Variants in GRIK1 observed in about 807,000 individuals in gnomAD.
GRIK1 encodes the protein glutamate ionotropic receptor kainate type subunit 1.
In GRIK1, 69 loss-of-function variants were observed where a neutral mutation model predicts 105.7. That is an observed-to-expected ratio of 0.65 (90% CI 0.54 to 0.80). The LOEUF is 0.80. Ranked by LOEUF, GRIK1 falls within the 30% of genes least tolerant of loss-of-function variation. The pLI is 0.00. For synonymous variants in GRIK1, 438 were observed against 431.3 expected (o/e 1.02, Z -0.19); for missense variants, 1,109 against 1,167.3 (o/e 0.95, Z 0.73).
intron 14 of GRIK1, among the ~76,000 whole-genome samples, chr21:29,566,670 A>G (rs1287048463): frequency 6.6e-6 from 1 of 150,794 alleles, no homozygotes; most frequent in African/African-American, 2.5e-5. Context: ...AGCAACCAAC[A>G]TATGCAGTGT....
Position 29,708,138 on chromosome 21 carries a change from C to G in GRIK1, c.119-14075G>C, listed in dbSNP as rs140038567. On this transcript the variant is annotated intron_variant, in intron 1 of 17. Transcript: ENST00000327783. Reference sequence around the variant, plus strand: ...CATGTAGAAATGCCCAACTGAATTGCAACCTCCCTCAGAATCTGTATGATT... The same window carrying G: ...CATGTAGAAATGCCCAACTGAATTGGAACCTCCCTCAGAATCTGTATGATT... Among the ~76,000 whole-genome samples, 1,103 of 152,292 alleles carry G rather than the reference C, an allele frequency of 7.2e-3. 16 individuals carry two copies. The highest frequency in any genetic ancestry group is 0.025 in the African/African-American group (1,058 of 41,548).
intron 1 of GRIK1, among the ~76,000 whole-genome samples, chr21:29,903,496 A>T (rs2070489068): frequency 6.6e-6 from 1 of 152,240 alleles, no homozygotes; most frequent in Admixed American, 6.5e-5. Flanking sequence ...AACTTCTCAA[A>T]AGAAGACATT....
chr21:29,938,699 C>A (rs950946888), intron 1 of GRIK1, among the ~76,000 whole-genome samples: 1 of 152,082 alleles, frequency 6.6e-6, no homozygotes, highest in Non-Finnish European at 1.5e-5. Flanking sequence ...GGCAAGCGGG[C>A]AAATTAGGGA....
chr21:29,547,293 A>C (rs2090065235), intron 16 of GRIK1, among the ~76,000 whole-genome samples: 1 of 152,228 alleles, frequency 6.6e-6, no homozygotes, highest in Non-Finnish European at 1.5e-5. Context: ...TCTGCCTTGA[A>C]GTACTGGCAG....
chr21:29,593,697 TTGATTAAG>T (rs2061363918), intron 9 of GRIK1, among the ~76,000 whole-genome samples: 1 of 152,212 alleles, frequency 6.6e-6, no homozygotes, highest in Admixed American at 6.5e-5. Flanking sequence ...TTTTAGCCAC[TTGATTAAG>T]TGATAGGATG....
chr21:29,841,873 A>G (rs1422145620), intron 1 of GRIK1, among the ~76,000 whole-genome samples: 1 of 152,116 alleles, frequency 6.6e-6, no homozygotes, highest in Non-Finnish European at 1.5e-5. Context: ...CTCATCTCAA[A>G]TGCCTACCTT....
At chr21:29,598,658 C>T (rs2061460197) in intron 8 of GRIK1, 172 bp downstream of exon 8, 2 of 515,126 alleles carry the variant, frequency 3.9e-6, no homozygotes, top group East Asian at 6.4e-5. Context: ...ATTTAAGAAT[C>T]TAGCACATCA....
chr21:29,581,904 C>A (rs758706529), intron 12 of GRIK1, among the ~76,000 whole-genome samples: 1 of 152,054 alleles, frequency 6.6e-6, no homozygotes, highest in Non-Finnish European at 1.5e-5. Context: ...CAAGTAGCGA[C>A]GAATGTGACA....
chr21:29,560,388 C>T (rs2409337), intron 15 of GRIK1, among the ~76,000 whole-genome samples: 1,254 of 43,402 alleles, frequency 0.029, 116 homozygotes, highest in Admixed American at 0.089. Flanking sequence ...TTCCTTCCTT[C>T]CTTCCTTCCT....
At chr21:29,673,812 GA>G (rs1196558236) in intron 3 of GRIK1, among the ~76,000 whole-genome samples, 1 of 151,970 alleles carries the variant, frequency 6.6e-6, no homozygotes, top group Non-Finnish European at 1.5e-5. Flanking sequence ...AGCAGAAACA[GA>G]ATTTAAAAAA....
At chr21:29,568,608 C>T (rs907365397) in intron 14 of GRIK1, among the ~76,000 whole-genome samples, 4 of 152,208 alleles carry the variant, frequency 2.6e-5, no homozygotes, top group African/African-American at 9.6e-5. Context: ...GTGTAATCCT[C>T]TGGCTTGAGT....
intron 1 of GRIK1, among the ~76,000 whole-genome samples, chr21:29,697,831 C>T (rs184545659): frequency 6.6e-5 from 10 of 152,160 alleles, no homozygotes; most frequent in South Asian, 6.2e-4. Context: ...TTTCCTCCTT[C>T]GGTCTTTCCT....
intron 6 of GRIK1, among the ~76,000 whole-genome samples, chr21:29,646,333 T>C (rs898569193): frequency 6.6e-6 from 1 of 152,194 alleles, no homozygotes; most frequent in Non-Finnish European, 1.5e-5. Context: ...CATAGATCAT[T>C]GCTGAGGATT....
At chr21:29,790,463 C>CT (rs111328335) in intron 1 of GRIK1, among the ~76,000 whole-genome samples, 3,678 of 145,666 alleles carry the variant, frequency 0.025, 141 homozygotes, top group African/African-American at 0.085. Context: ...TTCTTTCTTT[C>CT]TTTTTTTTTT....
At chr21:29,612,495 C>T (rs1454971238) in intron 7 of GRIK1, among the ~76,000 whole-genome samples, 1 of 152,180 alleles carries the variant, frequency 6.6e-6, no homozygotes, top group Non-Finnish European at 1.5e-5. Context: ...CAACTCTCCC[C>T]ACATTGAAAC....
At chr21:29,815,539 G>C (rs1038205239) in intron 1 of GRIK1, among the ~76,000 whole-genome samples, 1 of 152,112 alleles carries the variant, frequency 6.6e-6, no homozygotes, top group South Asian at 2.1e-4. Flanking sequence ...TCTGCCTGCA[G>C]CATCATTTTT....
At chr21:29,686,242 T>C (rs7281835) in intron 3 of GRIK1, among the ~76,000 whole-genome samples, 6,983 of 152,314 alleles carry the variant, frequency 0.046, 317 homozygotes, top group African/African-American at 0.12. Context: ...TCTTTTGTTA[T>C]AGGAATGTCA....
At chr21:29,923,850 T>C (rs2071268215) in intron 1 of GRIK1, among the ~76,000 whole-genome samples, 1 of 152,176 alleles carries the variant, frequency 6.6e-6, no homozygotes, top group African/African-American at 2.4e-5. Flanking sequence ...GAGGAGTATC[T>C]GAAAGGTTCA....
intron 1 of GRIK1, among the ~76,000 whole-genome samples, chr21:29,762,216 G>A (rs1230814213): frequency 1.3e-5 from 2 of 152,274 alleles, no homozygotes; most frequent in East Asian, 3.9e-4. Context: ...TCTGTCTTTG[G>A]AAATGACTGA....
Sources: allele counts gnomAD v4.1 joint callset (sites outside exome capture counted in the v4.1 genomes callset), GRCh38; gene constraint gnomAD v4.1.1; transcripts MANE v1.5; gene names NCBI Gene and HGNC (gene_info 2026-07-23, HGNC 2026-07-21).